GPLD1: variants seen among roughly 807,000 people sequenced by gnomAD.
GPLD1 encodes the protein glycosylphosphatidylinositol specific phospholipase D1, also known as phosphatidylinositol-glycan-specific phospholipase D.
A neutral mutation model predicts 112.6 loss-of-function variants in GPLD1; 84 were observed. The observed-to-expected ratio is 0.75, with a 90% CI of 0.63 to 0.89. GPLD1 has a LOEUF of 0.89. Among genes scored for constraint, GPLD1 ranks in the 40% least tolerant of loss-of-function variants. The probability of loss-of-function intolerance (pLI) is 0.00; values close to 1 mark genes in which losing one functional copy is unlikely to be tolerated. For missense variants in GPLD1, 1,044 were observed against 1,051.5 expected, an observed-to-expected ratio of 0.99 and a Z score of 0.10; for synonymous variants, 386 against 403.8, an observed-to-expected ratio of 0.96 and a Z score of 0.53.
intron 14 of GPLD1, among the ~76,000 whole-genome samples, chr6:24,450,733 T>C (rs1190774858): frequency 1.3e-5 from 2 of 152,092 alleles, no homozygotes; most frequent in South Asian, 2.1e-4. Context: ...TCCCAGCACT[T>C]TGGGAGGCCG....
intron 10 of GPLD1, among the ~76,000 whole-genome samples, chr6:24,464,761 T>G (rs1763543075): frequency 6.6e-6 from 1 of 152,206 alleles, no homozygotes; most frequent in South Asian, 2.1e-4. Context: ...TTCCCACTGC[T>G]GGTGGTACAG....
intron 3 of GPLD1, among the ~76,000 whole-genome samples, chr6:24,477,458 C>T (rs1024027037): frequency 6.6e-6 from 1 of 151,968 alleles, no homozygotes; most frequent in Non-Finnish European, 1.5e-5. Context: ...GTAGTGCACG[C>T]CTATAATCCC....
intron 20 of GPLD1, among the ~76,000 whole-genome samples, chr6:24,441,453 A>G (rs1762744064): frequency 6.6e-6 from 1 of 152,210 alleles, no homozygotes; most frequent in Admixed American, 6.5e-5. Context: ...TAACAGTGAC[A>G]TCTGACACCA....
upstream of GPLD1, among the ~76,000 whole-genome samples, chr6:24,494,198 A>G (rs1764628763): frequency 6.6e-6 from 1 of 152,194 alleles, no homozygotes; most frequent in South Asian, 2.1e-4. Context: ...TGAACGCTAT[A>G]TTGAATTTAA....
intron 22 of GPLD1, among the ~76,000 whole-genome samples, chr6:24,434,774 G>C (rs1297274977): frequency 2.1e-5 from 3 of 145,498 alleles, no homozygotes; most frequent in African/African-American, 2.6e-5. Context: ...GGAGGTGGAG[G>C]TTGCAGTGAG....
chr6:24,468,300 A>T (rs1763684511), intron 7 of GPLD1, among the ~76,000 whole-genome samples: 1 of 152,240 alleles, frequency 6.6e-6, no homozygotes, highest in Non-Finnish European at 1.5e-5. Context: ...TGGGCAAAGG[A>T]CAGATAGAAC....
chr6:24,475,166 CCAG>C lies in GPLD1; in HGVS notation c.393_395del (p.Ser131_Trp132delinsArg), dbSNP rs1436669573. 39 of 1,611,910 alleles carry C rather than the reference CCAG, an allele frequency of 2.4e-5. No homozygotes were observed. Among genetic ancestry groups the C allele is most frequent in the Non-Finnish European group, 3.3e-5 (39 of 1,178,130 alleles). On this transcript the variant is annotated inframe_deletion, in exon 5 of 25. Transcript: ENST00000230036. ...ATCCTTGTTCAAGGCCCAGACTATG[CCAG>C]CTGACATCTGCCGCCATGTGAGAAG... is the stretch of plus-strand genomic sequence containing the variant.
intron 22 of GPLD1, 39 bp downstream of exon 22, chr6:24,436,537 C>A: frequency 6.4e-7 from 1 of 1,568,768 alleles, no homozygotes; most frequent in South Asian, 1.1e-5. Context: ...AATTAGTGAT[C>A]CTTTCCCAAT....
intron 11 of GPLD1, 83 bp downstream of exon 11, chr6:24,462,647 A>ATGTT: frequency 1.2e-6 from 1 of 858,660 alleles, no homozygotes; most frequent in Non-Finnish European, 2.0e-6. Context: ...GTCTCTCAAC[A>ATGTT]GATCCCGTGT....
At chr6:24,432,837 T>C (rs1462085195) in intron 24 of GPLD1, among the ~76,000 whole-genome samples, 1 of 152,168 alleles carries the variant, frequency 6.6e-6, no homozygotes, top group African/African-American at 2.4e-5. Context: ...ACTACAGCTG[T>C]GTGGGCGCTG....
Position 24,479,869 on chromosome 6 carries a change from C to A in GPLD1, c.232+12G>T. 1.3e-6 allele frequency: 2 copies of A among 1,538,406 alleles called. No homozygotes were observed. The highest frequency in any genetic ancestry group is 1.8e-6 in the Non-Finnish European group (2 of 1,111,062). ...AAAGTGACTTCATTCAGTCTGCAAA[C>A]TTTCATCTTACCTCCTTTGCAGATG... On this transcript the variant is annotated intron_variant, in intron 3 of 24. Coordinates refer to ENST00000230036, the MANE Select transcript of GPLD1 (RefSeq NM_001503.4).
chr6:24,450,016 C>T (rs545717070), intron 14 of GPLD1, 117 bp from the exon 15 acceptor site: 30 of 641,724 alleles, frequency 4.7e-5, no homozygotes, highest in South Asian at 3.6e-4. Context: ...ACCCAAAAGC[C>T]GAAGGTGCAG....
intron 20 of GPLD1, among the ~76,000 whole-genome samples, chr6:24,442,932 A>G (rs1414563689): frequency 6.6e-6 from 1 of 152,186 alleles, no homozygotes; most frequent in Non-Finnish European, 1.5e-5. Flanking sequence ...CAAGAGAGTA[A>G]GGGCACCAAA....
intron 14 of GPLD1, among the ~76,000 whole-genome samples, chr6:24,450,715 G>A (rs1404336901): frequency 6.6e-6 from 1 of 151,874 alleles, no homozygotes; most frequent in Non-Finnish European, 1.5e-5. Context: ...AGTGGCTTAT[G>A]CCTGTAATCC....
intron 19 of GPLD1, 32 bp from the exon 20 acceptor site, chr6:24,445,671 G>A: frequency 6.3e-7 from 1 of 1,599,166 alleles, no homozygotes; most frequent in South Asian, 1.1e-5. Flanking sequence ...TATTGTATAG[G>A]TGAGAAAACT....
chr6:24,430,841 G>C, intron 24 of GPLD1, among the ~76,000 whole-genome samples: 1 of 152,238 alleles, frequency 6.6e-6, no homozygotes, highest in East Asian at 1.9e-4. Context: ...CTGGAAAAGT[G>C]AAGTAATTTT....
upstream of GPLD1, among the ~76,000 whole-genome samples, chr6:24,494,047 A>C (rs973202659): frequency 6.6e-6 from 1 of 152,238 alleles, no homozygotes; most frequent in Non-Finnish European, 1.5e-5. Flanking sequence ...TGCTGTTTAA[A>C]GGTGCTCAAA....
intron 7 of GPLD1, among the ~76,000 whole-genome samples, chr6:24,469,630 G>A (rs1207891699): frequency 8.7e-6 from 1 of 115,232 alleles, no homozygotes; most frequent in Non-Finnish European, 1.8e-5. Context: ...GACTGTGGTG[G>A]GGTGGGGGGA....
Position 24,454,172 on chromosome 6 carries a change from T to A in GPLD1, c.1178A>T (p.Asp393Val), listed in dbSNP as rs1414595775. The A allele has an allele frequency of 6.2e-7, 1 of 1,613,330 alleles. No homozygotes were observed. The highest frequency in any genetic ancestry group is 8.5e-7 in the Non-Finnish European group (1 of 1,179,702). The change falls in exon 14 of 25, where the codon GAT (aspartate) becomes GTT (valine). Residue 393 changes from aspartate to valine, a missense_variant. Physicochemically the swap from Asp to Val is radical, Grantham distance 152. Coordinates refer to ENST00000230036, the MANE Select transcript of GPLD1 (RefSeq NM_001503.4). Reference sequence around the variant, plus strand: ...GCCCACCACGAGGTCACCGTGCCCATCCTGGTTGAGGTCAGCTGAGGTCAT... The same window carrying A: ...GCCCACCACGAGGTCACCGTGCCCAACCTGGTTGAGGTCAGCTGAGGTCAT... ...WAMTSADLNQ[D>V]GHGDLVVGAP...
Sources: gnomAD v4.1 joint callset for allele counts (sites outside exome capture counted in the v4.1 genomes callset) on GRCh38, gnomAD v4.1.1 for gene constraint, MANE v1.5 for transcripts, NCBI Gene and HGNC (gene_info 2026-07-23, HGNC 2026-07-21) for gene names.